ARNT2: variants seen among roughly 807,000 people sequenced by gnomAD.
The protein encoded by ARNT2 is ARNT protein 2.
A neutral mutation model predicts 91.7 loss-of-function variants in ARNT2; 36 were observed. That is an observed-to-expected ratio of 0.39 (90% CI 0.30 to 0.52). The LOEUF (loss-of-function observed/expected upper bound fraction) is 0.52, where lower values mean the gene tolerates loss of function less well. Among genes scored for constraint, ARNT2 ranks in the 20% least tolerant of loss-of-function variants. The probability of loss-of-function intolerance (pLI) is 0.72; values close to 1 mark genes in which losing one functional copy is unlikely to be tolerated. For missense variants in ARNT2, 775 were observed against 939.3 expected, an observed-to-expected ratio of 0.83 and a Z score of 2.29; for synonymous variants, 365 against 347.1, an observed-to-expected ratio of 1.05 and a Z score of -0.57.
intron 5 of ARNT2, among the ~76,000 whole-genome samples, chr15:80,506,758 G>A (rs1897281186): frequency 6.6e-6 from 1 of 152,178 alleles, no homozygotes; most frequent in Non-Finnish European, 1.5e-5. Flanking sequence ...GGGAGAGAGT[G>A]AGAGAGAGAA....
At chr15:80,520,199 A>C (rs1274513688) in intron 8 of ARNT2, among the ~76,000 whole-genome samples, 3 of 152,148 alleles carry the variant, frequency 2.0e-5, no homozygotes, top group Non-Finnish European at 4.4e-5. Context: ...AACAAGATGC[A>C]TAATCAAATA....
At chr15:80,516,173 A>T (rs1442262555) in intron 8 of ARNT2, among the ~76,000 whole-genome samples, 3 of 152,188 alleles carry the variant, frequency 2.0e-5, no homozygotes, top group Non-Finnish European at 4.4e-5. Flanking sequence ...ACCCAGCCAG[A>T]TAAAGTATTC....
At position 80,492,906 on chromosome 15, in the gene ARNT2, A is replaced by G. The variant is rs114047716; in HGVS notation, c.623-15250A>G. Among the ~76,000 whole-genome samples, 576 of 152,088 alleles carry G rather than the reference A, an allele frequency of 3.8e-3. 7 individuals carry two copies. The highest frequency in any genetic ancestry group is 0.013 in the African/African-American group (552 of 41,504). Reference sequence around the variant, plus strand: ...TTTTCTCAAATATTGCTGAGACTTAATGTTTCAACATATTGTGTTCTTTCT... The same window carrying G: ...TTTTCTCAAATATTGCTGAGACTTAGTGTTTCAACATATTGTGTTCTTTCT... On this transcript the variant is annotated intron_variant, in intron 5 of 18. Transcript: ENST00000303329.
intron 1 of ARNT2, among the ~76,000 whole-genome samples, chr15:80,448,681 G>T (rs770348586): frequency 6.6e-6 from 1 of 152,152 alleles, no homozygotes; most frequent in African/African-American, 2.4e-5. Flanking sequence ...TGAGGTAATG[G>T]CTTTAAAATA....
chr15:80,492,346 T>C (rs776725957), intron 5 of ARNT2, among the ~76,000 whole-genome samples: 1 of 152,212 alleles, frequency 6.6e-6, no homozygotes, highest in Non-Finnish European at 1.5e-5. Context: ...CTCAGTGTCT[T>C]GATTACTACA....
At chr15:80,531,319 C>T (rs925173836) in intron 8 of ARNT2, among the ~76,000 whole-genome samples, 5 of 152,180 alleles carry the variant, frequency 3.3e-5, no homozygotes, top group African/African-American at 7.2e-5. Flanking sequence ...ACAGCAGTTT[C>T]CAGTTAAATT....
At chr15:80,542,427 CACT>C (rs1897923044) in intron 8 of ARNT2, among the ~76,000 whole-genome samples, 1 of 152,104 alleles carries the variant, frequency 6.6e-6, no homozygotes, top group Non-Finnish European at 1.5e-5. Context: ...ATAAAACCAC[CACT>C]ATTTTATTAT....
Position 80,596,007 on chromosome 15 carries a change from GC to G in ARNT2, c.*2311del, listed in dbSNP as rs1246440598. On this transcript the variant is annotated 3_prime_UTR_variant, in exon 19 of 19. Transcript: ENST00000303329. ...GTTTGGGGGGTCTTATGTTTGTTTT[GC>G]CTCTTCTGTTTCTTGGAGGAGAGTT... 2 of 152,218 alleles carry G rather than the reference GC, an allele frequency of 1.3e-5. No homozygotes were observed. Among genetic ancestry groups the G allele is most frequent in the African/African-American group, 4.8e-5 (2 of 41,450 alleles). 9.4% of individuals were successfully genotyped at this position (152,218 alleles called of 1,614,324 possible).
At position 80,451,984 on chromosome 15, in the gene ARNT2, C is replaced by T. The variant is rs558294919; in HGVS notation, c.146+990C>T. On this transcript the variant is annotated intron_variant, in intron 2 of 18. Coordinates refer to ENST00000303329, the MANE Select transcript of ARNT2 (RefSeq NM_014862.4). ...GCAACTGTCTGGTTACAGCAGAACC[C>T]ACTTCTCACAGCCCAAGGCCTGCAG... is the stretch of plus-strand genomic sequence containing the variant. Among the ~76,000 whole-genome samples, 6 of 152,334 alleles carry T rather than the reference C, an allele frequency of 3.9e-5. No homozygotes were observed. In the South Asian group the frequency reaches 8.3e-4, roughly 21 times the overall value.
chr15:80,421,202 A>G (rs968103295), intron 1 of ARNT2, among the ~76,000 whole-genome samples: 18 of 152,196 alleles, frequency 1.2e-4, no homozygotes, highest in African/African-American at 3.6e-4. Context: ...GAGCTAAGCT[A>G]TGGATGTGCA....
intron 17 of ARNT2, among the ~76,000 whole-genome samples, chr15:80,582,454 C>T (rs1898817226): frequency 1.3e-5 from 2 of 151,766 alleles, no homozygotes; most frequent in African/African-American, 4.8e-5. Context: ...CATGATCACA[C>T]CACTGCACTC....
At chr15:80,489,334 A>T (rs1897020681) in intron 5 of ARNT2, among the ~76,000 whole-genome samples, 1 of 152,216 alleles carries the variant, frequency 6.6e-6, no homozygotes, top group Admixed American at 6.5e-5. Flanking sequence ...AAACATCTGC[A>T]TCCAGTTTTC....
At chr15:80,456,034 T>C (rs1896476907) in intron 2 of ARNT2, among the ~76,000 whole-genome samples, 1 of 152,218 alleles carries the variant, frequency 6.6e-6, no homozygotes, top group South Asian at 2.1e-4. Context: ...CGGGTGAATT[T>C]GGTTACAGCA....
Position 80,593,796 on chromosome 15 carries a change from G to A in ARNT2, c.*98G>A, listed in dbSNP as rs1032015115. On this transcript the variant is annotated 3_prime_UTR_variant, in exon 19 of 19. Coordinates refer to ENST00000303329, the MANE Select transcript of ARNT2 (RefSeq NM_014862.4). ...CCACCCTCGCCCTGCTTGCCCTGCC[G>A]CAGGCCCCCCACCAGAAGCCATCTC... is the stretch of plus-strand genomic sequence containing the variant. The A allele has an allele frequency of 4.7e-5, 54 of 1,143,832 alleles. 1 individual carries two copies. Among genetic ancestry groups the A allele is most frequent in the African/African-American group, 4.6e-4 (30 of 65,412 alleles). 70.9% of individuals were successfully genotyped at this position (1,143,832 alleles called of 1,614,324 possible).
intron 11 of ARNT2, among the ~76,000 whole-genome samples, chr15:80,562,630 G>A (rs1898386754): frequency 6.6e-6 from 1 of 152,152 alleles, no homozygotes; most frequent in Non-Finnish European, 1.5e-5. Context: ...GTTAAGCAGG[G>A]TTAAGCATCT....
intron 1 of ARNT2, among the ~76,000 whole-genome samples, chr15:80,443,511 G>C (rs887978196): frequency 6.6e-6 from 1 of 152,184 alleles, no homozygotes; most frequent in Non-Finnish European, 1.5e-5. Context: ...ACCTCTCGGA[G>C]GTAGCAGCAG....
rs185066216 is a variant in ARNT2, at chr15:80,441,956, G to A, written c.32-8924G>A. On this transcript the variant is annotated intron_variant, in intron 1 of 18. Transcript: ENST00000303329. ...TGTGTAATGGGAAACAATTTCCTGAGGGGATATTTGCATTTGGAGTCAGAC... is the reference window on the plus strand; with the variant it reads ...TGTGTAATGGGAAACAATTTCCTGAAGGGATATTTGCATTTGGAGTCAGAC... Among the ~76,000 whole-genome samples the A allele has an allele frequency of 1.1e-3, 166 of 152,304 alleles. 1 individual carries two copies. The highest frequency in any genetic ancestry group is 2.1e-3 in the Non-Finnish European group (144 of 68,036).
chr15:80,556,429 A>G (rs1898190913), intron 11 of ARNT2: 1 of 152,426 alleles, frequency 6.6e-6, no homozygotes, highest in African/African-American at 2.4e-5. Context: ...GGAAACAAAG[A>G]CAAGAGGCTT....
At chr15:80,439,515 C>T (rs1044215783) in intron 1 of ARNT2, among the ~76,000 whole-genome samples, 2 of 152,214 alleles carry the variant, frequency 1.3e-5, no homozygotes, top group Non-Finnish European at 2.9e-5. Context: ...CTGTATCCTG[C>T]TCCATTAACT....
Sources: gnomAD v4.1 joint callset for allele counts (sites outside exome capture counted in the v4.1 genomes callset) on GRCh38, gnomAD v4.1.1 for gene constraint, MANE v1.5 for transcripts, NCBI Gene and HGNC (gene_info 2026-07-23, HGNC 2026-07-21) for gene names.